Variants in FGFRL1 observed in about 807,000 individuals in gnomAD.
FGFRL1 encodes fibroblast growth factor receptor like 1.
In FGFRL1, 24 loss-of-function variants were observed where a neutral mutation model predicts 36.8. That is an observed-to-expected ratio of 0.65 (90% confidence interval 0.47 to 0.92). The LOEUF (loss-of-function observed/expected upper bound fraction) is 0.92. FGFRL1 is among the 40% of genes least tolerant of loss of function. The pLI is 0.00. For missense variants in FGFRL1, 785 were observed against 753.4 expected (o/e 1.04, Z -0.49); for synonymous variants, 422 against 344.1 (o/e 1.23, Z -2.50).
chr4:1,012,646 T>G, intron 2 of FGFRL1, 82 bp downstream of exon 2: 1 of 557,620 alleles, frequency 1.8e-6, no homozygotes, highest in Non-Finnish European at 2.8e-6. Context: ...CCTGCCACAG[T>G]GCCCGCCTGG....
Position 1,024,414 on chromosome 4 carries a change from G to A in FGFRL1, c.822G>A (p.Val274=), listed in dbSNP as rs1285546365. 1 of 1,612,506 alleles carries A rather than the reference G, an allele frequency of 6.2e-7. No individual in the cohort carries two copies. Among genetic ancestry groups the A allele is most frequent in the Admixed American group, 1.7e-5 (1 of 59,994 alleles). Residue 274 remains valine (V), a synonymous_variant, in exon 6 of 7, where the codon GTG becomes GTA. Coordinates refer to ENST00000510644, the MANE Select transcript of FGFRL1 (RefSeq NM_001004356.3). ...TCCAGTGCAAGGTGCGCAGCGACGT[G>A]AAGCCGGTGATCCAGTGGCTGAAGC... is the stretch of plus-strand genomic sequence containing the variant. The part of the protein sequence containing the change: ...TSFQCKVRSD[V]KPVIQWLKRV...
chr4:1,014,780 A>G (rs1715797770), intron 2 of FGFRL1, among the ~76,000 whole-genome samples: 1 of 152,130 alleles, frequency 6.6e-6, no homozygotes, highest in Non-Finnish European at 1.5e-5. Flanking sequence ...AGCTGGGCCC[A>G]GCCCCTGCAA....
rs1380851820 is a variant in FGFRL1, at chr4:1,025,074, G to C, written c.1242G>C (p.Leu414=). Residue 414 remains leucine (L), a synonymous_variant, in exon 7 of 7, where the codon CTG becomes CTC. Coordinates refer to ENST00000510644, the MANE Select transcript of FGFRL1 (RefSeq NM_001004356.3). ...GCACCCCCGCGCCTGCCCCTCCCCT[G>C]CCTGGGCACCGCCCGCCGGGGACGG... is the stretch of plus-strand genomic sequence containing the variant. ...KPCTPAPAPP[L]PGHRPPGTAR... 6.2e-7 allele frequency: 1 copy of C among 1,609,856 alleles called. No individual in the cohort carries two copies. The highest frequency in any genetic ancestry group is 8.5e-7 in the Non-Finnish European group (1 of 1,178,486).
rs768846760 is a variant in FGFRL1 at position 1,022,261 on chromosome 4, T to C, written c.138T>C (p.Thr46=). ...VPRQVARLGR[T]VRLQCPVEGD... ...GGCAGGTGGCCCGGCTGGGCCGCACTGTGCGGCTGCAGTGCCCAGTGGAGG... is the reference window on the plus strand; with the variant it reads ...GGCAGGTGGCCCGGCTGGGCCGCACCGTGCGGCTGCAGTGCCCAGTGGAGG... The change falls in exon 3 of 7, where the codon ACT becomes ACC. Residue 46 remains threonine (T), a synonymous_variant. Coordinates refer to ENST00000510644, the MANE Select transcript of FGFRL1 (RefSeq NM_001004356.3). 28 of 1,586,386 alleles carry C rather than the reference T, an allele frequency of 1.8e-5. No homozygotes were observed. Among genetic ancestry groups the C allele is most frequent in the Non-Finnish European group, 2.3e-5 (27 of 1,167,196 alleles).
chr4:1,023,566 G>C lies in FGFRL1; in HGVS notation c.353-75G>C. 1 of 1,394,276 alleles carries C rather than the reference G, an allele frequency of 7.2e-7. No homozygotes were observed. The highest frequency in any genetic ancestry group is 9.9e-7 in the Non-Finnish European group (1 of 1,006,554). 86.4% of individuals were successfully genotyped at this position (1,394,276 alleles called of 1,614,324 possible). A position where few individuals can be genotyped will look rare whatever the true frequency, so the allele number is the denominator to read the frequency against. On this transcript the variant is annotated intron_variant, in intron 3 of 6. Coordinates refer to ENST00000510644, the MANE Select transcript of FGFRL1 (RefSeq NM_001004356.3). The surrounding 1 kb of genome is among the most constrained non-coding windows in gnomAD (Gnocchi z 6.0). ...CCCGGCTGGGGCTGGGGGAGCTAGAGGCCACGGGGGAGTTGGGGGAGCTCC... is the reference window on the plus strand; with the variant it reads ...CCCGGCTGGGGCTGGGGGAGCTAGACGCCACGGGGGAGTTGGGGGAGCTCC...
chr4:1,025,662 C>G lies in FGFRL1; in HGVS notation c.*315C>G, dbSNP rs961552311. ...ATGCACGCACACGCACAGAGACATG[C>G]CAGAACATACAAGGACATGCTGCCT... On this transcript the variant is annotated 3_prime_UTR_variant, in exon 7 of 7. Coordinates refer to ENST00000510644, the MANE Select transcript of FGFRL1 (RefSeq NM_001004356.3). The G allele has an allele frequency of 3.0e-5, 14 of 470,918 alleles. No homozygotes were observed. The highest frequency in any genetic ancestry group is 5.4e-5 in the Non-Finnish European group (14 of 260,660). 29.2% of individuals were successfully genotyped at this position (470,918 alleles called of 1,614,324 possible).
At chr4:1,015,647 C>T (rs1416380962) in intron 2 of FGFRL1, among the ~76,000 whole-genome samples, 6 of 152,236 alleles carry the variant, frequency 3.9e-5, no homozygotes, top group Non-Finnish European at 8.8e-5. Context: ...TACTTCTTGC[C>T]TGGTGCTGTT....
chr4:1,015,398 G>C (rs935206148), intron 2 of FGFRL1, among the ~76,000 whole-genome samples: 4 of 152,156 alleles, frequency 2.6e-5, no homozygotes, highest in African/African-American at 9.7e-5. Context: ...AGGGTGCCTG[G>C]CTGCCCTCTG....
rs1402172140 is a variant in FGFRL1 at position 1,025,404 on chromosome 4, G to A, written c.*57G>A. 2.0e-6 allele frequency: 3 copies of A among 1,499,454 alleles called. No individual in the cohort carries two copies. Among genetic ancestry groups the A allele is most frequent in the Non-Finnish European group, 2.7e-6 (3 of 1,117,012 alleles). The allele number at this position is 1,499,454 out of a possible 1,614,324, so 92.9% of individuals were successfully genotyped here. ...GCCGGCCAGACAGGCAGACTGGGAG[G>A]ATGGAGGACGGAGCTGCAGACGAAG... On this transcript the variant is annotated 3_prime_UTR_variant, in exon 7 of 7. Coordinates refer to ENST00000510644, the MANE Select transcript of FGFRL1 (RefSeq NM_001004356.3).
chr4:1,014,769 G>A (rs1715797445), intron 2 of FGFRL1, among the ~76,000 whole-genome samples: 1 of 152,202 alleles, frequency 6.6e-6, no homozygotes, highest in South Asian at 2.1e-4. Flanking sequence ...GGACGTGTGG[G>A]AGCTGGGCCC....
Position 1,024,320 on chromosome 4 carries a change from G to A in FGFRL1, c.728G>A (p.Arg243His), listed in dbSNP as rs1392108005. 9 of 1,602,164 alleles carry A rather than the reference G, an allele frequency of 5.6e-6. No individual in the cohort carries two copies. The highest frequency in any genetic ancestry group is 2.7e-5 in the African/African-American group (2 of 74,760). ...TYKVDVIQRT[R>H]SKPVLTGTHP... ...TGCCACGTTCCCACAGAGCGGACCC[G>A]TTCCAAGCCCGTGCTCACAGGCACG... The change falls in exon 6 of 7, where the codon CGT (arginine) becomes CAT (histidine). Residue 243 changes from arginine to histidine, a missense_variant. Coordinates refer to ENST00000510644, the MANE Select transcript of FGFRL1 (RefSeq NM_001004356.3).
At position 1,026,078 on chromosome 4, in the gene FGFRL1, C is replaced by CACATGCAGATATGCTGCCTGG. The variant is rs1716513120; in HGVS notation, c.*731_*732insACATGCAGATATGCTGCCTGG. ...CAGATATGCTGTCCGGACACACACA[C>CACATGCAGATATGCTGCCTGG]GCACGCAGATATGCTGCCTGGACAC... is the stretch of plus-strand genomic sequence containing the variant. On this transcript the variant is annotated 3_prime_UTR_variant, in exon 7 of 7. Transcript: ENST00000510644. The CACATGCAGATATGCTGCCTGG allele has an allele frequency of 6.5e-6, 1 of 154,598 alleles. No homozygotes were observed. Among genetic ancestry groups the CACATGCAGATATGCTGCCTGG allele is most frequent in the Admixed American group, 6.5e-5 (1 of 15,426 alleles). The allele number at this position is 154,598 out of a possible 1,614,324, so 9.6% of individuals were successfully genotyped here. A position where few individuals can be genotyped will look rare whatever the true frequency, so the allele number is the denominator to read the frequency against.
At chr4:1,013,181 G>A (rs1211063058) in intron 2 of FGFRL1, among the ~76,000 whole-genome samples, 1 of 152,226 alleles carries the variant, frequency 6.6e-6, no homozygotes, top group Non-Finnish European at 1.5e-5. Flanking sequence ...GTGCTGGCCT[G>A]GTACGTGCTC....
At chr4:1,012,892 G>T (rs2153024929) in intron 2 of FGFRL1, among the ~76,000 whole-genome samples, 1 of 152,374 alleles carries the variant, frequency 6.6e-6, no homozygotes, top group South Asian at 2.1e-4. Flanking sequence ...AATCACCTGT[G>T]GATTCTTGGG....
At chr4:1,022,572 A>C in intron 3 of FGFRL1, 97 bp downstream of exon 3, 2 of 1,433,016 alleles carry the variant, frequency 1.4e-6, no homozygotes, top group Non-Finnish European at 1.8e-6. Flanking sequence ...CCCGAGAGTC[A>C]GCCAGCCCCC....
intron 2 of FGFRL1, among the ~76,000 whole-genome samples, chr4:1,012,825 G>C (rs571727858): frequency 6.6e-6 from 1 of 152,352 alleles, no homozygotes; most frequent in African/African-American, 2.4e-5. Flanking sequence ...GGCTCCCCAG[G>C]ACATGCTCCT....
At chr4:1,022,687 C>T (rs1381040839) in intron 3 of FGFRL1, among the ~76,000 whole-genome samples, 3 of 152,216 alleles carry the variant, frequency 2.0e-5, no homozygotes. Flanking sequence ...AGGCTCCAGC[C>T]TCGGAGCCTT....
chr4:1,014,984 C>T (rs889456428), intron 2 of FGFRL1, among the ~76,000 whole-genome samples: 1 of 152,218 alleles, frequency 6.6e-6, no homozygotes, highest in Non-Finnish European at 1.5e-5. Context: ...CCCTTTCAGC[C>T]GCAGGCCCCG....
At chr4:1,013,338 G>A (rs1454338670) in intron 2 of FGFRL1, among the ~76,000 whole-genome samples, 13 of 152,238 alleles carry the variant, frequency 8.5e-5, no homozygotes, top group Non-Finnish European at 1.9e-4. Flanking sequence ...ATGGCTAGGC[G>A]GGACCTGTGG....
Sources: gnomAD v4.1 joint callset for allele counts (sites outside exome capture counted in the v4.1 genomes callset) on GRCh38, gnomAD v4.1.1 for gene constraint, Gnocchi (gnomAD v3.1) non-coding constraint, MANE v1.5 for transcripts, NCBI Gene and HGNC (gene_info 2026-07-23, HGNC 2026-07-21) for gene names.